Variants in TBCD observed in about 807,000 individuals in gnomAD.
TBCD encodes tubulin folding cofactor D.
In TBCD, 105 loss-of-function variants were observed where a neutral mutation model predicts 169.3. That is an observed-to-expected ratio of 0.62 (90% confidence interval 0.53 to 0.73). The LOEUF is 0.73. TBCD is among the 30% of genes least tolerant of loss of function. The pLI is 0.00. For synonymous variants in TBCD, 700 were observed against 643.9 expected, an observed-to-expected ratio of 1.09 and a Z score of -1.32; for missense variants, 1,444 against 1,600.1, an observed-to-expected ratio of 0.90 and a Z score of 1.66.
In TBCD at chr17:82,772,385, CTGTG is replaced by C. The variant is rs1184841466; in HGVS notation, c.583-64_583-61del. 4 of 1,548,648 alleles carry C rather than the reference CTGTG, an allele frequency of 2.6e-6. No individual in the cohort carries two copies. In the South Asian group the frequency reaches 4.5e-5, roughly 17 times the overall value. On this transcript the variant is annotated intron_variant, in intron 5 of 38. Transcript: ENST00000355528. ...GAGCTGGTGAGGGTGGGACTGGTGA[CTGTG>C]TGGTGTCCCCAAGGCTGGCGTGTGC...
chr17:82,879,668 T>C (rs1170814090), intron 14 of TBCD, among the ~76,000 whole-genome samples: 3 of 152,210 alleles, frequency 2.0e-5, no homozygotes, highest in Non-Finnish European at 4.4e-5. Flanking sequence ...TCAATCTGCA[T>C]GTGGTTGTGT....
rs1353326445 is a variant in TBCD, at chr17:82,944,769, C to T, written c.*2306C>T. ...ATGTGAGAGCAGAGACCTTGGAGAT[C>T]CTGAGGGTTTCTGCTGAGCCCTGGA... is the stretch of plus-strand genomic sequence containing the variant. On this transcript the variant is annotated 3_prime_UTR_variant, in exon 39 of 39. Transcript: ENST00000355528. The T allele has an allele frequency of 1.3e-5, 2 of 152,152 alleles. No individual in the cohort carries two copies. The highest frequency in any genetic ancestry group is 2.9e-5 in the Non-Finnish European group (2 of 68,034). The allele number at this position is 152,152 out of a possible 1,614,324, so 9.4% of individuals were successfully genotyped here.
Position 82,924,814 on chromosome 17 carries a change from T to TG in TBCD, c.2261-122dup, listed in dbSNP as rs1489411128. 4 of 702,196 alleles carry TG rather than the reference T, an allele frequency of 5.7e-6. No individual in the cohort carries two copies. In the East Asian group the frequency reaches 1.2e-4, roughly 20 times the overall value. 43.5% of individuals were successfully genotyped at this position (702,196 alleles called of 1,614,324 possible). The stretch of plus-strand genomic sequence containing the variant: ...GGCCACTTTGGAAACGTGTCTGCTT[T>TG]GGGAACCTCAGGCGGCTCCTCCTTT... On this transcript the variant is annotated intron_variant, in intron 26 of 38. Coordinates refer to ENST00000355528, the MANE Select transcript of TBCD (RefSeq NM_005993.5).
At chr17:82,790,968 C>G (rs888615130) in intron 7 of TBCD, among the ~76,000 whole-genome samples, 3 of 152,114 alleles carry the variant, frequency 2.0e-5, no homozygotes, top group African/African-American at 7.2e-5. Context: ...GGTCTCCCTG[C>G]CGCCGTTGCC....
At position 82,807,384 on chromosome 17, in the gene TBCD, G is replaced by C. The variant is rs1237918679; in HGVS notation, c.1088-224G>C. 2.0e-5 allele frequency among the ~76,000 whole-genome samples: 3 copies of C among 151,720 alleles called. No individual in the cohort carries two copies. The South Asian group carries it at 6.2e-4, about 32-fold the overall frequency. On this transcript the variant is annotated intron_variant, in intron 10 of 38. Coordinates refer to ENST00000355528, the MANE Select transcript of TBCD (RefSeq NM_005993.5). The stretch of plus-strand genomic sequence containing the variant: ...TGCTCCCTGTAGCCGGCTTTAATGG[G>C]GTAGATCTCTTTCTTAGGAACAGAG...
intron 13 of TBCD, among the ~76,000 whole-genome samples, chr17:82,862,828 A>G (rs143061979): frequency 0.025 from 3,762 of 152,160 alleles, 178 homozygotes; most frequent in African/African-American, 0.086. Flanking sequence ...CCAGGCGGCC[A>G]CCCCAGGCCG....
chr17:82,814,723 C>T (rs566298154), intron 12 of TBCD, 117 bp from the exon 13 acceptor site: 37 of 959,800 alleles, frequency 3.9e-5, no homozygotes, highest in Admixed American at 1.9e-4. Flanking sequence ...GTGAGCCTTA[C>T]GTGAGCCTTA....
intron 2 of TBCD, among the ~76,000 whole-genome samples, chr17:82,758,404 T>TAAAAAAAA (rs1312618695): frequency 5.0e-5 from 4 of 79,424 alleles, no homozygotes; most frequent in African/African-American, 9.1e-5. Flanking sequence ...AAAAAAAAAA[T>TAAAAAAAA]AAATAAATAA....
chr17:82,921,828 G>A (rs2061436434), intron 25 of TBCD, among the ~76,000 whole-genome samples: 1 of 152,224 alleles, frequency 6.6e-6, no homozygotes, highest in African/African-American at 2.4e-5. Flanking sequence ...TTTAATTATA[G>A]TTACCTTTGA....
At chr17:82,781,221 G>A (rs991184471) in intron 6 of TBCD, among the ~76,000 whole-genome samples, 3 of 151,310 alleles carry the variant, frequency 2.0e-5, no homozygotes, top group Admixed American at 6.6e-5. Flanking sequence ...AAGGGATGCA[G>A]AGTTGGGTCC....
chr17:82,939,288 C>T (rs1319600319), intron 36 of TBCD, 79 bp from the exon 37 acceptor site: 1 of 1,183,096 alleles, frequency 8.5e-7, no homozygotes, highest in Non-Finnish European at 1.2e-6. Context: ...GACGGGGCTC[C>T]CTGGCCTGGG....
chr17:82,941,366 T>C, intron 37 of TBCD, 33 bp from the exon 38 acceptor site: 1 of 1,546,786 alleles, frequency 6.5e-7, no homozygotes, highest in Non-Finnish European at 8.7e-7. Context: ...CGGTGGGCAC[T>C]CGAGAGACTC....
intron 13 of TBCD, among the ~76,000 whole-genome samples, chr17:82,855,253 TTTTTTTTTTTTTTTTTTTA>T (rs2056166647): frequency 7.7e-6 from 1 of 129,212 alleles, no homozygotes; most frequent in African/African-American, 3.4e-5. Flanking sequence ...TTTTTTTTTT[TTTTTTTTTTTTTTTTTTTA>T]ATTTTTTAGA....
In TBCD at chr17:82,833,550, G is replaced by A. The variant is rs1425337191; in HGVS notation, c.1318+18616G>A. 6.6e-6 allele frequency among the ~76,000 whole-genome samples: 1 copy of A among 152,194 alleles called. No homozygotes were observed. Among genetic ancestry groups the A allele is most frequent in the Non-Finnish European group, 1.5e-5 (1 of 68,046 alleles). On this transcript the variant is annotated intron_variant, in intron 13 of 38. Transcript: ENST00000355528. The surrounding 1 kb of genome is among the most constrained non-coding windows in gnomAD (Gnocchi z 4.7). ...TACTGTTGGTGAATTTGTACATCCT[G>A]TGAGTGACAGCAGCATTGTGAGACA...
intron 16 of TBCD, among the ~76,000 whole-genome samples, chr17:82,892,019 C>T (rs938034277): frequency 6.6e-6 from 1 of 152,146 alleles, no homozygotes; most frequent in East Asian, 1.9e-4. Flanking sequence ...CTGTCCACAC[C>T]CAGGCCCCCC....
chr17:82,861,339 C>CGCTGGTTCACGTCAGCT (rs1567908391), intron 13 of TBCD, among the ~76,000 whole-genome samples: 2 of 67,330 alleles, frequency 3.0e-5, no homozygotes, highest in East Asian at 1.0e-3. Context: ...TCACGTCAGC[C>CGCTGGTTCACGTCAGCT]GCTGGTTCAC....
intron 1 of TBCD, among the ~76,000 whole-genome samples, chr17:82,752,668 G>A (rs1023363440): frequency 4.6e-5 from 7 of 152,184 alleles, no homozygotes; most frequent in African/African-American, 1.7e-4. Flanking sequence ...CGGGAGGCGG[G>A]GTGCAGAAGC....
At chr17:82,780,364 A>C (rs920058219) in intron 6 of TBCD, among the ~76,000 whole-genome samples, 9 of 151,914 alleles carry the variant, frequency 5.9e-5, no homozygotes, top group Admixed American at 4.6e-4. Context: ...CAGCTGTGGG[A>C]GGGAAGGGCC....
chr17:82,814,025 A>G (rs1207388025), intron 12 of TBCD, among the ~76,000 whole-genome samples: 2 of 152,218 alleles, frequency 1.3e-5, no homozygotes, highest in African/African-American at 4.8e-5. Flanking sequence ...AAGTCAATTT[A>G]ATTAGAATCA....
Sources: gnomAD v4.1 joint callset for allele counts (sites outside exome capture counted in the v4.1 genomes callset) on GRCh38, gnomAD v4.1.1 for gene constraint, Gnocchi (gnomAD v3.1) non-coding constraint, MANE v1.5 for transcripts, NCBI Gene and HGNC (gene_info 2026-07-23, HGNC 2026-07-21) for gene names.